Variants in CDH7 observed in about 807,000 individuals in gnomAD.
The protein encoded by CDH7 is cadherin-7.
Under a neutral mutation model 71.8 loss-of-function variants are expected in CDH7, and 25 were observed. The ratio of observed to expected loss-of-function variants is 0.35; its 90% CI spans 0.25 to 0.49. The LOEUF is 0.49. CDH7 is among the 20% of genes least tolerant of loss of function. The pLI is 0.99. For synonymous variants in CDH7, 381 were observed against 363.8 expected (o/e 1.05, Z -0.54); for missense variants, 862 against 974.6 (o/e 0.88, Z 1.54).
At chr18:65,783,267 C>A (rs1910380645) in intron 2 of CDH7, among the ~76,000 whole-genome samples, 1 of 151,902 alleles carries the variant, frequency 6.6e-6, no homozygotes, top group Admixed American at 6.6e-5. Flanking sequence ...ATGAACAATC[C>A]AGAGAAAAGA....
intron 2 of CDH7, among the ~76,000 whole-genome samples, chr18:65,787,344 C>T (rs1910553603): frequency 6.6e-6 from 1 of 152,066 alleles, no homozygotes; most frequent in Non-Finnish European, 1.5e-5. Context: ...CTGTTGCTGC[C>T]ATAGTTGGTG....
At chr18:65,865,990 A>G (rs1406212426) in intron 11 of CDH7, 1 of 152,110 alleles carries the variant, frequency 6.6e-6, no homozygotes, top group African/African-American at 2.4e-5. Context: ...GAACTTGAAA[A>G]TCAAGTTCAA....
Position 65,843,838 on chromosome 18 carries a change from T to C in CDH7, c.1008T>C (p.Ser336=). The C allele has an allele frequency of 1.3e-6, 2 of 1,544,336 alleles. No individual in the cohort carries two copies. The highest frequency in any genetic ancestry group is 1.7e-6 in the Non-Finnish European group (2 of 1,143,796). ...AGCTGGATTTTGAAGCCAAAACAAG[T>C]TACACGCTACGGATAGAAGCTGCAA... The part of the protein sequence containing the change: ...QKELDFEAKT[S]YTLRIEAANK... Residue 336 remains serine, a synonymous_variant, in exon 7 of 12, where the codon AGT becomes AGC. Coordinates refer to ENST00000397968, the MANE Select transcript of CDH7 (RefSeq NM_004361.5).
intron 11 of CDH7, among the ~76,000 whole-genome samples, chr18:65,869,667 A>G (rs997301020): frequency 6.9e-6 from 1 of 144,614 alleles, no homozygotes; most frequent in Admixed American, 7.7e-5. Context: ...TGAGCATCTG[A>G]CATGGTCGAC....
intron 7 of CDH7, among the ~76,000 whole-genome samples, chr18:65,848,998 G>A (rs1599048707): frequency 6.6e-6 from 1 of 152,172 alleles, no homozygotes; most frequent in East Asian, 1.9e-4. Flanking sequence ...ATTCATATAT[G>A]TGCACATATG....
chr18:65,792,459 G>T (rs1440016409), intron 2 of CDH7, among the ~76,000 whole-genome samples: 1 of 152,040 alleles, frequency 6.6e-6, no homozygotes, highest in African/African-American at 2.4e-5. Context: ...CCACCCTAGG[G>T]CTGCGTGTTA....
At chr18:65,850,762 G>C (rs1157326752) in intron 7 of CDH7, among the ~76,000 whole-genome samples, 1 of 151,752 alleles carries the variant, frequency 6.6e-6, no homozygotes, top group Non-Finnish European at 1.5e-5. Flanking sequence ...TGAGGATACA[G>C]GCAAGGTGTC....
At chr18:65,799,675 CAA>C (rs56087234) in intron 2 of CDH7, among the ~76,000 whole-genome samples, 12 of 139,512 alleles carry the variant, frequency 8.6e-5, no homozygotes, top group Admixed American at 1.4e-4. Context: ...GACTCTGTGT[CAA>C]AAAAAAAAAA....
chr18:65,862,698 G>A lies in CDH7; in HGVS notation c.1645G>A (p.Gly549Ser), dbSNP rs948180322. 15 of 1,613,990 alleles carry A rather than the reference G, an allele frequency of 9.3e-6. No individual in the cohort carries two copies. Among genetic ancestry groups the A allele is most frequent in the African/African-American group, 1.3e-5 (1 of 74,922 alleles). The part of the protein sequence containing the change: ...NTASILTRRN[G>S]FRRQEQSVYY... ...AGCCTCAATACTGACCAGGAGAAAC[G>A]GCTTCCGGAGACAGGAACAATCAGT... is the stretch of plus-strand genomic sequence containing the variant. The change falls in exon 11 of 12, where the codon GGC becomes AGC. Residue 549 changes from glycine (G) to serine (S), a missense_variant. Coordinates refer to ENST00000397968, the MANE Select transcript of CDH7 (RefSeq NM_004361.5).
chr18:65,758,131 T>G (rs182130085), intron 1 of CDH7, among the ~76,000 whole-genome samples: 358 of 152,304 alleles, frequency 2.4e-3, no homozygotes, highest in African/African-American at 8.2e-3. Context: ...TGTAAGAAGA[T>G]AAAAAGCCTT....
At chr18:65,870,311 A>G (rs1354917052) in intron 11 of CDH7, among the ~76,000 whole-genome samples, 1 of 152,208 alleles carries the variant, frequency 6.6e-6, no homozygotes, top group Non-Finnish European at 1.5e-5. Context: ...GGGGATCTGC[A>G]TGAGCCTCAG....
At chr18:65,839,144 CT>C (rs1317426121) in intron 6 of CDH7, among the ~76,000 whole-genome samples, 1 of 152,128 alleles carries the variant, frequency 6.6e-6, no homozygotes, top group Admixed American at 6.6e-5. Context: ...TAAACATGGG[CT>C]TTTTGGACTT....
chr18:65,843,464 C>T (rs1208006659), intron 6 of CDH7, among the ~76,000 whole-genome samples: 3 of 152,044 alleles, frequency 2.0e-5, no homozygotes, highest in Non-Finnish European at 4.4e-5. Flanking sequence ...CTGGGTAGTA[C>T]AGTTAAGTTA....
At chr18:65,767,187 C>T (rs1164263785) in intron 2 of CDH7, among the ~76,000 whole-genome samples, 1 of 150,378 alleles carries the variant, frequency 6.6e-6, no homozygotes, top group Non-Finnish European at 1.5e-5. Context: ...CACAGAAATG[C>T]AGTTTGCAGG....
intron 7 of CDH7, among the ~76,000 whole-genome samples, chr18:65,856,328 A>G (rs1913354445): frequency 6.6e-6 from 1 of 152,204 alleles, no homozygotes; most frequent in Non-Finnish European, 1.5e-5. Context: ...TGTAATATCC[A>G]TATACACAGG....
At chr18:65,751,916 C>G (rs748495633) in intron 1 of CDH7, among the ~76,000 whole-genome samples, 5 of 152,138 alleles carry the variant, frequency 3.3e-5, no homozygotes, top group Non-Finnish European at 7.3e-5. Flanking sequence ...CGTTTTAGAT[C>G]GTTAACCCTA....
At chr18:65,834,081 G>A (rs1568210773) in intron 6 of CDH7, among the ~76,000 whole-genome samples, 2 of 152,030 alleles carry the variant, frequency 1.3e-5, no homozygotes, top group Non-Finnish European at 2.9e-5. Flanking sequence ...GGTCAATTTC[G>A]GTGGGTAGGA....
rs1052657167 is a variant in CDH7 at position 65,882,819 on chromosome 18, G to A, written c.*1925G>A. ...AAATAACAAACAAACAAAAAAACAC[G>A]CGTATTTACCCAGTTCAATAAAATC... On this transcript the variant is annotated 3_prime_UTR_variant, in exon 12 of 12. Transcript: ENST00000397968. The A allele has an allele frequency of 3.3e-5, 5 of 151,964 alleles. No individual in the cohort carries two copies. The highest frequency in any genetic ancestry group is 3.9e-4 in the East Asian group (2 of 5,192). 9.4% of individuals were successfully genotyped at this position (151,964 alleles called of 1,614,324 possible).
chr18:65,777,126 C>T (rs1909976739), intron 2 of CDH7, among the ~76,000 whole-genome samples: 2 of 152,030 alleles, frequency 1.3e-5, no homozygotes, highest in African/African-American at 4.8e-5. Context: ...AAATGAAGAT[C>T]AGAGATGATT....
Sources: allele counts gnomAD v4.1 joint callset (sites outside exome capture counted in the v4.1 genomes callset), GRCh38; gene constraint gnomAD v4.1.1; transcripts MANE v1.5; gene names NCBI Gene and HGNC (gene_info 2026-07-23, HGNC 2026-07-21).